The following NRXN3 variants were observed in gnomAD, a reference collection of about 807,000 sequenced individuals.
The protein encoded by NRXN3 is neurexin III.
A neutral mutation model predicts 137.6 loss-of-function variants in NRXN3; 32 were observed. That is an observed-to-expected ratio of 0.23 (90% confidence interval 0.18 to 0.31). The LOEUF (loss-of-function observed/expected upper bound fraction) is 0.31, where lower values mean the gene tolerates loss of function less well. Ranked by LOEUF, NRXN3 falls within the 10% of genes least tolerant of loss-of-function variation. The probability of loss-of-function intolerance (pLI) is 1.00; values close to 1 mark genes in which losing one functional copy is unlikely to be tolerated. For synonymous variants in NRXN3, 798 were observed against 784.5 expected (o/e 1.02, Z -0.29); for missense variants, 1,574 against 2,062.5 (o/e 0.76, Z 4.59).
At chr14:79,825,952 ATG>A (rs2099297319) in intron 20 of NRXN3, among the ~76,000 whole-genome samples, 2 of 152,102 alleles carry the variant, frequency 1.3e-5, no homozygotes, top group South Asian at 4.1e-4. Flanking sequence ...TAGCTTGATT[ATG>A]TGTCACATGT....
At chr14:78,331,892 C>T (rs544294182) in intron 4 of NRXN3, among the ~76,000 whole-genome samples, 6 of 152,268 alleles carry the variant, frequency 3.9e-5, no homozygotes, top group South Asian at 2.1e-4. Context: ...TTACGGGCAA[C>T]CTTAAAACAA....
At chr14:78,242,269 C>T (rs1321249787) in intron 1 of NRXN3, 122 bp from the exon 2 acceptor site, 1 of 152,198 alleles carries the variant, frequency 6.6e-6, no homozygotes, top group Non-Finnish European at 1.5e-5. Flanking sequence ...AGCACTGTAG[C>T]AATCACTAGA....
intron 15 of NRXN3, among the ~76,000 whole-genome samples, chr14:79,108,715 G>A (rs903278137): frequency 6.6e-6 from 1 of 152,066 alleles, no homozygotes; most frequent in South Asian, 2.1e-4. Flanking sequence ...TCTGCTTCTA[G>A]TTTAATATAG....
intron 16 of NRXN3, among the ~76,000 whole-genome samples, chr14:79,500,885 G>T (rs1022577236): frequency 6.6e-6 from 1 of 152,152 alleles, no homozygotes; most frequent in Non-Finnish European, 1.5e-5. Flanking sequence ...CAGTTTTATT[G>T]TATCTGTCAG....
At chr14:78,687,888 A>T (rs1222842537) in intron 6 of NRXN3, among the ~76,000 whole-genome samples, 1 of 152,238 alleles carries the variant, frequency 6.6e-6, no homozygotes, top group Non-Finnish European at 1.5e-5. Flanking sequence ...CAGGAGACAA[A>T]GGACTAGAGC....
chr14:79,470,562 G>C (rs942368151), intron 16 of NRXN3, among the ~76,000 whole-genome samples: 10 of 152,132 alleles, frequency 6.6e-5, no homozygotes, highest in African/African-American at 2.4e-4. Flanking sequence ...TGTGGCATCG[G>C]TGATCAAGTT....
intron 16 of NRXN3, among the ~76,000 whole-genome samples, chr14:79,564,685 C>CA (rs2097531113): frequency 1.3e-5 from 2 of 152,030 alleles, no homozygotes; most frequent in African/African-American, 4.8e-5. Flanking sequence ...ATGACAATCT[C>CA]AAAAAATTAT....
At chr14:78,636,617 C>T (rs975817042) in intron 4 of NRXN3, among the ~76,000 whole-genome samples, 3 of 152,196 alleles carry the variant, frequency 2.0e-5, no homozygotes, top group African/African-American at 4.8e-5. Context: ...CTCTGTAAGA[C>T]GGAGTGCACT....
intron 10 of NRXN3, among the ~76,000 whole-genome samples, chr14:78,910,408 G>A (rs2099233694): frequency 6.6e-6 from 1 of 152,086 alleles, no homozygotes; most frequent in Admixed American, 6.6e-5. Flanking sequence ...CCTCTGTCAT[G>A]AATATTTCCC....
intron 4 of NRXN3, among the ~76,000 whole-genome samples, chr14:78,619,149 C>T (rs2097374146): frequency 6.6e-6 from 1 of 152,162 alleles, no homozygotes; most frequent in South Asian, 2.1e-4. Flanking sequence ...TCCTCCTCTC[C>T]CTCAGTTGAG....
At chr14:78,940,367 C>G (rs2099350751) in intron 10 of NRXN3, among the ~76,000 whole-genome samples, 1 of 152,172 alleles carries the variant, frequency 6.6e-6, no homozygotes, top group African/African-American at 2.4e-5. Flanking sequence ...CACACACACT[C>G]CCAATAGCTT....
chr14:79,075,279 G>A (rs549731208), intron 15 of NRXN3, among the ~76,000 whole-genome samples: 1 of 152,276 alleles, frequency 6.6e-6, no homozygotes, highest in South Asian at 2.1e-4. Context: ...ACATGGGTTA[G>A]GAGATGGAGC....
chr14:79,760,420 C>T (rs957349557), intron 19 of NRXN3, among the ~76,000 whole-genome samples: 5 of 146,950 alleles, frequency 3.4e-5, no homozygotes, highest in Non-Finnish European at 7.4e-5. Context: ...GATAACTTAA[C>T]CTTTTTTTTT....
At chr14:78,725,689 G>C (rs1337231874) in intron 8 of NRXN3, among the ~76,000 whole-genome samples, 7 of 152,136 alleles carry the variant, frequency 4.6e-5, no homozygotes, top group Non-Finnish European at 1.0e-4. Flanking sequence ...GGATTGTGGG[G>C]GGTGACTCTT....
At position 79,775,231 on chromosome 14, in the gene NRXN3, A is replaced by G. The variant is rs551659862; in HGVS notation, c.4015-29881A>G. 4.6e-5 allele frequency among the ~76,000 whole-genome samples: 7 copies of G among 152,258 alleles called. No homozygotes were observed. The South Asian group carries it at 1.5e-3, about 32-fold the overall frequency. ...GTACTGTTTTGTATTAAATATCACCAGAAGATATTTGTCACATAAAAACAG... is the reference window on the plus strand; with the variant it reads ...GTACTGTTTTGTATTAAATATCACCGGAAGATATTTGTCACATAAAAACAG... On this transcript the variant is annotated intron_variant, in intron 19 of 20. Transcript: ENST00000335750.
Position 78,981,008 on chromosome 14 carries a change from TA to T in NRXN3, c.3143-7007del, listed in dbSNP as rs139685684. On this transcript the variant is annotated intron_variant, in intron 14 of 20. Transcript: ENST00000335750. ...TATTAATAATTAATAATGACAATGA[TA>T]AAAAAAGACTTCATAAATATGTAAT... is the stretch of plus-strand genomic sequence containing the variant. Among the ~76,000 whole-genome samples the T allele has an allele frequency of 3.7e-4, 56 of 152,172 alleles. 1 individual carries two copies. The South Asian group carries it at 5.0e-3, about 14-fold the overall frequency.
intron 4 of NRXN3, among the ~76,000 whole-genome samples, chr14:78,395,540 A>G (rs1264355135): frequency 2.0e-5 from 3 of 151,726 alleles, no homozygotes; most frequent in Admixed American, 2.0e-4. Flanking sequence ...CTGTTAGTTG[A>G]TGGTGTTACT....
chr14:79,571,705 T>C (rs2097604738), intron 16 of NRXN3, among the ~76,000 whole-genome samples: 1 of 152,148 alleles, frequency 6.6e-6, no homozygotes, highest in African/African-American at 2.4e-5. Flanking sequence ...CAAAAAGTTA[T>C]TGTAGTAAGT....
intron 10 of NRXN3, among the ~76,000 whole-genome samples, chr14:78,846,573 A>G (rs2099027738): frequency 6.6e-6 from 1 of 152,052 alleles, no homozygotes; most frequent in South Asian, 2.1e-4. Context: ...TAAAGTTGCA[A>G]TCCTTCCATG....
Sources: gnomAD v4.1 joint callset for allele counts (sites outside exome capture counted in the v4.1 genomes callset) on GRCh38, gnomAD v4.1.1 for gene constraint, MANE v1.5 for transcripts, NCBI Gene and HGNC (gene_info 2026-07-23, HGNC 2026-07-21) for gene names.